The following MGST1 variants were observed in gnomAD, a reference collection of about 807,000 sequenced individuals.
MGST1 encodes glutathione S-transferase 12.
MGST1 carries 5 observed loss-of-function variants against 8.9 expected under a neutral mutation model. The ratio of observed to expected loss-of-function variants is 0.56; its 90% confidence interval spans 0.29 to 1.19. The LOEUF is 1.19. Among genes scored for constraint, MGST1 ranks in the 50% most tolerant of loss-of-function variants. The probability of loss-of-function intolerance (pLI) is 0.08; values close to 1 mark genes in which losing one functional copy is unlikely to be tolerated. For missense variants in MGST1, 182 were observed against 187.4 expected, an observed-to-expected ratio of 0.97 and a Z score of 0.17; for synonymous variants, 54 against 67.8, an observed-to-expected ratio of 0.80 and a Z score of 1.00.
At chr12:16,412,890 G>A (rs1417646802) in intron 1 of MGST1, among the ~76,000 whole-genome samples, 1 of 152,144 alleles carries the variant, frequency 6.6e-6, no homozygotes, top group Non-Finnish European at 1.5e-5. Flanking sequence ...CTCAAAAACA[G>A]TAATTTTGAA....
At chr12:16,571,145 G>A (rs1214761567) in intron 4 of MGST1, among the ~76,000 whole-genome samples, 1 of 151,972 alleles carries the variant, frequency 6.6e-6, no homozygotes, top group Non-Finnish European at 1.5e-5. Flanking sequence ...TTCTTTTAAG[G>A]TAAGTAGCAG....
chr12:16,366,859 T>C (rs531874327), downstream of MGST1, among the ~76,000 whole-genome samples: 6 of 152,232 alleles, frequency 3.9e-5, 1 homozygote, highest in East Asian at 9.7e-4. This position sits in a 1 kb window ranked among gnomAD's most constrained non-coding sequence, Gnocchi z 4.0. Flanking sequence ...GTATCTATTA[T>C]AGAGTCATCA....
At position 16,431,455 on chromosome 12, in the gene MGST1, C is replaced by CT. The variant is rs371423460; in HGVS notation, n.779-5921dup. On this transcript the variant is annotated intron_variant and non_coding_transcript_variant, in intron 1 of 1. Coordinates refer to the MGST1 transcript ENST00000359720. The stretch of plus-strand genomic sequence containing the variant: ...GACTTAAAGTGCGAGATGTGCAACT[C>CT]TTTTTTTTTTTTACTTGAACTCTCA... Among the ~76,000 whole-genome samples, 905 of 144,714 alleles carry CT rather than the reference C, an allele frequency of 6.3e-3. 8 individuals are homozygous for CT. Among genetic ancestry groups the CT allele is most frequent in the African/African-American group, 0.019 (771 of 39,634 alleles). The allele number at this position is 144,714 out of a possible 152,430, so 94.9% of individuals were successfully genotyped here.
intron 4 of MGST1, among the ~76,000 whole-genome samples, chr12:16,444,203 T>TG (rs1358847960): frequency 4.2e-4 from 62 of 146,416 alleles, no homozygotes; most frequent in African/African-American, 1.6e-3. Context: ...TTTTTTTTTT[T>TG]GTCTACTTGG....
intron 4 of MGST1, among the ~76,000 whole-genome samples, chr12:16,568,065 G>C (rs143681874): frequency 6.6e-6 from 1 of 152,198 alleles, no homozygotes; most frequent in Admixed American, 6.5e-5. Flanking sequence ...TACTACACTG[G>C]CAACAATAGA....
chr12:16,399,330 C>A, intron 1 of MGST1: 3 of 1,598,440 alleles, frequency 1.9e-6, no homozygotes, highest in Non-Finnish European at 2.6e-6. Context: ...ATGGTTGGAA[C>A]CACGGTTAGA....
chr12:16,411,686 CAG>C (rs1310008750), intron 1 of MGST1, among the ~76,000 whole-genome samples: 1 of 152,082 alleles, frequency 6.6e-6, no homozygotes, highest in Non-Finnish European at 1.5e-5. Context: ...ATACTCTTGA[CAG>C]AGGCTAAAAC....
At position 16,576,412 on chromosome 12, in the gene MGST1, A is replaced by G. The variant is rs1942997371; in HGVS notation, n.483-13116A>G. Among the ~76,000 whole-genome samples the G allele has an allele frequency of 6.6e-6, 1 of 151,912 alleles. No homozygotes were observed. The highest frequency in any genetic ancestry group is 1.5e-5 in the Non-Finnish European group (1 of 67,960). On this transcript the variant is annotated intron_variant and non_coding_transcript_variant, in intron 4 of 4. Coordinates refer to the MGST1 transcript ENST00000538857. The surrounding 1 kb of genome is among the most constrained non-coding windows in gnomAD (Gnocchi z 4.1). ...CTCCTGCCTGCTGAGTTCCTACTAA[A>G]TCTATTCTTCCTGGAAGACTACTGC...
chr12:16,401,959 T>A lies in MGST1; in HGVS notation n.778+18355T>A. ...TCTATTTTGTCAAAGCCTTCTTTGT[T>A]GAGGCAGTCATTCCAGCTCTTCATG... is the stretch of plus-strand genomic sequence containing the variant. On this transcript the variant is annotated intron_variant and non_coding_transcript_variant, in intron 1 of 1. Transcript: ENST00000359720. The surrounding 1 kb of genome is among the most constrained non-coding windows in gnomAD (Gnocchi z 4.3). 1.2e-6 allele frequency: 2 copies of A among 1,612,280 alleles called. No homozygotes were observed. The highest frequency in any genetic ancestry group is 1.7e-6 in the Non-Finnish European group (2 of 1,178,248).
At chr12:16,580,117 A>C (rs970434149) in intron 4 of MGST1, among the ~76,000 whole-genome samples, 1 of 152,194 alleles carries the variant, frequency 6.6e-6, no homozygotes, top group Non-Finnish European at 1.5e-5. Flanking sequence ...TCTAAAACAA[A>C]ATATACACCT....
chr12:16,429,271 A>G (rs1252535550), intron 1 of MGST1, among the ~76,000 whole-genome samples: 3 of 152,124 alleles, frequency 2.0e-5, no homozygotes, highest in Non-Finnish European at 2.9e-5. Flanking sequence ...TTTTCCTTCA[A>G]TATTTCAAAA....
At chr12:16,524,849 G>C (rs1941672063) in intron 4 of MGST1, among the ~76,000 whole-genome samples, 1 of 151,912 alleles carries the variant, frequency 6.6e-6, no homozygotes, top group Non-Finnish European at 1.5e-5. Context: ...TAAATAGCTA[G>C]GATACCTAAT....
In MGST1 at chr12:16,548,081, G is replaced by A. The variant is rs962590456; in HGVS notation, n.483-41447G>A. 1.3e-5 allele frequency among the ~76,000 whole-genome samples: 2 copies of A among 152,142 alleles called. No homozygotes were observed. The highest frequency in any genetic ancestry group is 4.8e-5 in the African/African-American group (2 of 41,428). ...TTAATCTGACAACAGCAACAGAGTT[G>A]CTTTCAGAAAGATCACCTAAAATTT... is the stretch of plus-strand genomic sequence containing the variant. On this transcript the variant is annotated intron_variant and non_coding_transcript_variant, in intron 4 of 4. Transcript: ENST00000538857. This position sits in a 1 kb window ranked among gnomAD's most constrained non-coding sequence, Gnocchi z 4.2.
chr12:16,559,810 A>C lies in MGST1; in HGVS notation n.483-29718A>C, dbSNP rs1942323359. Among the ~76,000 whole-genome samples, 1 of 151,696 alleles carries C rather than the reference A, an allele frequency of 6.6e-6. No individual in the cohort carries two copies. The highest frequency in any genetic ancestry group is 6.6e-5 in the Admixed American group (1 of 15,214). On this transcript the variant is annotated intron_variant and non_coding_transcript_variant, in intron 4 of 4. Transcript: ENST00000538857. This position sits in a 1 kb window ranked among gnomAD's most constrained non-coding sequence, Gnocchi z 4.1. ...CTCTATAAAAAATGAAAAAAAAAAA[A>C]AATTAGCCAGGCATGGGAGTGCACA...
rs1376806530 is a variant in MGST1 at position 16,389,754 on chromosome 12, T to C, written n.778+6150T>C. 6.6e-6 allele frequency among the ~76,000 whole-genome samples: 1 copy of C among 152,048 alleles called. No homozygotes were observed. Among genetic ancestry groups the C allele is most frequent in the East Asian group, 1.9e-4 (1 of 5,180 alleles). ...ATGAACACGTGTTTAGTGAGCAATA[T>C]TGGAGTTTTCATAGTAAGAGCTTGC... On this transcript the variant is annotated intron_variant and non_coding_transcript_variant, in intron 1 of 1. Coordinates refer to the MGST1 transcript ENST00000359720. This position sits in a 1 kb window ranked among gnomAD's most constrained non-coding sequence, Gnocchi z 4.6.
chr12:16,436,092 T>C (rs1940983669), intron 1 of MGST1, among the ~76,000 whole-genome samples: 1 of 151,850 alleles, frequency 6.6e-6, no homozygotes, highest in Non-Finnish European at 1.5e-5. Flanking sequence ...AACTACAAAC[T>C]CTGAGTTCCC....
chr12:16,401,898 CT>C lies in MGST1; in HGVS notation n.778+18296del, dbSNP rs1314807127. The C allele has an allele frequency of 3.7e-6, 6 of 1,605,218 alleles. No homozygotes were observed. In the African/African-American group the frequency reaches 8.0e-5, roughly 21 times the overall value. ...CATTAATTTGAGCTCCCCATCCTCC[CT>C]TACAGCGACTGTATATGCCACAACT... On this transcript the variant is annotated intron_variant and non_coding_transcript_variant, in intron 1 of 1. Transcript: ENST00000359720. The surrounding 1 kb of genome is among the most constrained non-coding windows in gnomAD (Gnocchi z 4.3).
At chr12:16,492,224 G>A (rs1484600066) in intron 4 of MGST1, among the ~76,000 whole-genome samples, 2 of 152,130 alleles carry the variant, frequency 1.3e-5, no homozygotes, top group Non-Finnish European at 2.9e-5. Context: ...AGGTGATAAT[G>A]TATTAAAATC....
At chr12:16,579,067 C>A (rs1245349065) in intron 4 of MGST1, among the ~76,000 whole-genome samples, 1 of 152,116 alleles carries the variant, frequency 6.6e-6, no homozygotes, top group East Asian at 1.9e-4. Context: ...CCCAAACACT[C>A]TCTAGAGCTT....
Sources: allele counts gnomAD v4.1 joint callset (sites outside exome capture counted in the v4.1 genomes callset), GRCh38; gene constraint gnomAD v4.1.1; non-coding constraint Gnocchi (gnomAD v3.1); transcripts MANE v1.5; gene names NCBI Gene and HGNC (gene_info 2026-07-23, HGNC 2026-07-21).